Variants in WDPCP observed in about 807,000 individuals in gnomAD.
WDPCP encodes WD repeat containing planar cell polarity effector.
Under a neutral mutation model 93.1 loss-of-function variants are expected in WDPCP, and 71 were observed. The observed-to-expected ratio is 0.76, with a 90% CI of 0.63 to 0.93. The LOEUF (loss-of-function observed/expected upper bound fraction) is 0.93, where lower values mean the gene tolerates loss of function less well. Ranked by LOEUF, WDPCP falls within the 40% of genes least tolerant of loss-of-function variation. WDPCP has a pLI of 0.00. For missense variants in WDPCP, 844 were observed against 887.4 expected, an observed-to-expected ratio of 0.95 and a Z score of 0.62; for synonymous variants, 315 against 315.0, an observed-to-expected ratio of 1.00 and a Z score of 0.00.
At chr2:63,783,970 G>A (rs1454721097) in intron 2 of WDPCP, among the ~76,000 whole-genome samples, 1 of 152,152 alleles carries the variant, frequency 6.6e-6, no homozygotes, top group Non-Finnish European at 1.5e-5. Context: ...CCAAATCCCA[G>A]TACCAAATCT....
chr2:63,613,354 G>A (rs1024227086), intron 3 of WDPCP, among the ~76,000 whole-genome samples: 1 of 152,240 alleles, frequency 6.6e-6, no homozygotes, highest in Admixed American at 6.5e-5. Flanking sequence ...AAAGGAGGAA[G>A]CCAAGCAATG....
intron 10 of WDPCP, among the ~76,000 whole-genome samples, chr2:63,401,853 T>A (rs146221048): frequency 3.0e-4 from 45 of 152,078 alleles, no homozygotes; most frequent in African/African-American, 1.0e-3. Flanking sequence ...TGTGGAGAAA[T>A]AGGAACACTT....
intron 13 of WDPCP, among the ~76,000 whole-genome samples, chr2:63,308,993 T>C (rs964706413): frequency 4.6e-5 from 7 of 152,178 alleles, no homozygotes; most frequent in African/African-American, 1.7e-4. Flanking sequence ...GAGAACATTA[T>C]CCTAGTTGTA....
intron 14 of WDPCP, among the ~76,000 whole-genome samples, chr2:63,246,185 T>C (rs1187115522): frequency 6.6e-6 from 1 of 152,174 alleles, no homozygotes; most frequent in Non-Finnish European, 1.5e-5. Context: ...CTTGCTATGA[T>C]AGGCAAAAGT....
intron 1 of WDPCP, among the ~76,000 whole-genome samples, chr2:63,572,498 C>T (rs541839680): frequency 4.0e-5 from 6 of 151,380 alleles, no homozygotes; most frequent in Admixed American, 1.3e-4. Context: ...AGGTCAGGAG[C>T]TTGAGACCAG....
chr2:63,455,191 C>T (rs1391810209), intron 6 of WDPCP, among the ~76,000 whole-genome samples: 3 of 151,746 alleles, frequency 2.0e-5, no homozygotes, highest in African/African-American at 7.3e-5. Context: ...CAGCAATCCA[C>T]AAAGACAGTC....
At chr2:63,357,197 T>A (rs1379058596) in intron 12 of WDPCP, among the ~76,000 whole-genome samples, 1 of 152,146 alleles carries the variant, frequency 6.6e-6, no homozygotes, top group African/African-American at 2.4e-5. Flanking sequence ...AATACCATTC[T>A]AGACATAAGA....
chr2:63,517,079 T>C (rs1420605523), intron 1 of WDPCP, among the ~76,000 whole-genome samples: 1 of 152,134 alleles, frequency 6.6e-6, no homozygotes, highest in Non-Finnish European at 1.5e-5. Context: ...CTAAACTACA[T>C]CCTAATCTTT....
chr2:63,614,675 C>G (rs762254308), intron 3 of WDPCP, among the ~76,000 whole-genome samples: 2 of 152,160 alleles, frequency 1.3e-5, no homozygotes, highest in Admixed American at 1.3e-4. Context: ...AACTCCTGTT[C>G]CCCAAAACAA....
intron 5 of WDPCP, 102 bp from the exon 6 acceptor site, chr2:63,484,765 C>T: frequency 1.3e-6 from 2 of 1,522,996 alleles, no homozygotes; most frequent in South Asian, 2.3e-5. Context: ...CAACATGCCA[C>T]ACAAAGATCC....
chr2:63,522,983 C>T (rs1244418478), intron 1 of WDPCP, among the ~76,000 whole-genome samples: 5 of 152,032 alleles, frequency 3.3e-5, no homozygotes, highest in African/African-American at 7.2e-5. Flanking sequence ...CTGATACCAA[C>T]GCCTGGCAGA....
intron 1 of WDPCP, among the ~76,000 whole-genome samples, chr2:63,552,415 A>C (rs1705746859): frequency 6.6e-6 from 1 of 152,144 alleles, no homozygotes; most frequent in African/African-American, 2.4e-5. Flanking sequence ...TTAAGTAACA[A>C]GTGTTTAAAA....
chr2:63,145,444 G>A lies in WDPCP; in HGVS notation c.2190+7470C>T, dbSNP rs534435677. Among the ~76,000 whole-genome samples, 158 of 152,206 alleles carry A rather than the reference G, an allele frequency of 1.0e-3. 2 individuals are homozygous for A. Among genetic ancestry groups the A allele is most frequent in the Non-Finnish European group, 1.0e-4 (7 of 67,990 alleles). On this transcript the variant is annotated intron_variant, in intron 17 of 17. Coordinates refer to ENST00000272321, the MANE Select transcript of WDPCP (RefSeq NM_015910.7). ...CAGGTCTTGCTGTGCCTGCTGTGGC[G>A]GATGGGGGTGAGATCCCCAGGTCAC...
chr2:63,702,953 T>G (rs1669085201), intron 2 of WDPCP, among the ~76,000 whole-genome samples: 1 of 151,962 alleles, frequency 6.6e-6, no homozygotes, highest in African/African-American at 2.4e-5. Flanking sequence ...TTCCCACCTA[T>G]GAGTGAGAAC....
intron 15 of WDPCP, among the ~76,000 whole-genome samples, chr2:63,173,134 G>C (rs1441392803): frequency 6.6e-6 from 1 of 151,992 alleles, no homozygotes; most frequent in East Asian, 1.9e-4. Flanking sequence ...AGGGCACAGT[G>C]GTGGGCACCT....
At chr2:63,706,353 T>A (rs576022506) in intron 2 of WDPCP, among the ~76,000 whole-genome samples, 2,546 of 152,254 alleles carry the variant, frequency 0.017, 22 homozygotes, top group African/African-American at 0.018. Context: ...GTTAGCTGGT[T>A]ATTTTGCTCA....
At chr2:63,489,130 G>A (rs10191163) in intron 2 of WDPCP, among the ~76,000 whole-genome samples, 61,282 of 151,928 alleles carry the variant, frequency 0.4, 12,733 homozygotes, top group Non-Finnish European at 0.44. Flanking sequence ...AATCCCACAT[G>A]GGGTGAGAAG....
At chr2:63,730,788 A>G (rs748123132) in intron 2 of WDPCP, among the ~76,000 whole-genome samples, 2 of 152,210 alleles carry the variant, frequency 1.3e-5, no homozygotes, top group Non-Finnish European at 2.9e-5. Flanking sequence ...GAGTGAAAAG[A>G]TAATGATTTA....
intron 6 of WDPCP, among the ~76,000 whole-genome samples, chr2:63,482,061 GACA>G (rs1178077120): frequency 6.6e-6 from 1 of 151,904 alleles, no homozygotes; most frequent in Non-Finnish European, 1.5e-5. Flanking sequence ...TCATTGGATT[GACA>G]ACATCAACTA....
Sources: gnomAD v4.1 joint callset for allele counts (sites outside exome capture counted in the v4.1 genomes callset) on GRCh38, gnomAD v4.1.1 for gene constraint, MANE v1.5 for transcripts, NCBI Gene and HGNC (gene_info 2026-07-23, HGNC 2026-07-21) for gene names.